Variants in PHF14 observed in about 807,000 individuals in gnomAD.
The protein encoded by PHF14 is PHD finger protein 14.
PHF14 carries 55 observed loss-of-function variants against 117.9 expected under a neutral mutation model. The ratio of observed to expected loss-of-function variants is 0.47; its 90% CI spans 0.38 to 0.58. The LOEUF (loss-of-function observed/expected upper bound fraction) is 0.58, where lower values mean the gene tolerates loss of function less well. PHF14 is among the 20% of genes least tolerant of loss of function. PHF14 has a pLI of 0.00. For synonymous variants in PHF14, 409 were observed against 368.6 expected, an observed-to-expected ratio of 1.11 and a Z score of -1.26; for missense variants, 978 against 1,122.2, an observed-to-expected ratio of 0.87 and a Z score of 1.84.
In PHF14 at chr7:11,122,456, TTG is replaced by T. The variant is rs200805558; in HGVS notation, c.2772+11005_2772+11006del. On this transcript the variant is annotated intron_variant, in intron 17 of 17. Transcript: ENST00000634607. Reference sequence around the variant, plus strand: ...ATATATATATACGTATATATATATATTGTGTGTGTGTGTGTGTCAAAGGGTAG... The same window carrying T: ...ATATATATATACGTATATATATATATTGTGTGTGTGTGTGTCAAAGGGTAG... 9.4e-3 allele frequency among the ~76,000 whole-genome samples: 1,321 copies of T among 139,864 alleles called. 26 individuals are homozygous for T. Among genetic ancestry groups the T allele is most frequent in the African/African-American group, 0.033 (1,228 of 37,772 alleles). The allele number at this position is 139,864 out of a possible 152,430, so 91.8% of individuals were successfully genotyped here. A position where few individuals can be genotyped will look rare whatever the true frequency, so the allele number is the denominator to read the frequency against.
intron 4 of PHF14, among the ~76,000 whole-genome samples, chr7:10,995,833 C>A (rs956575327): frequency 3.9e-5 from 6 of 152,250 alleles, no homozygotes; most frequent in Admixed American, 6.5e-5. Context: ...CAGTGCCCGC[C>A]AAGCCCATGC....
intron 16 of PHF14, among the ~76,000 whole-genome samples, chr7:11,101,494 C>T (rs780935626): frequency 1.1e-4 from 16 of 151,838 alleles, no homozygotes; most frequent in Non-Finnish European, 2.2e-4. Context: ...TGTGATCTTA[C>T]TATTTAACAA....
At chr7:11,166,877 G>A (rs1480265345) in intron 17 of PHF14, among the ~76,000 whole-genome samples, 1 of 152,170 alleles carries the variant, frequency 6.6e-6, no homozygotes, top group African/African-American at 2.4e-5. Flanking sequence ...ACAGCAGGCA[G>A]TGTTAGAAGG....
intron 17 of PHF14, among the ~76,000 whole-genome samples, chr7:11,154,600 T>C (rs1788789982): frequency 1.3e-5 from 2 of 152,158 alleles, no homozygotes; most frequent in African/African-American, 2.4e-5. Flanking sequence ...TGTTTTCATA[T>C]CAGTTGGACT....
At chr7:11,038,894 C>T in intron 11 of PHF14, 39 bp downstream of exon 11, 2 of 940,042 alleles carry the variant, frequency 2.1e-6, no homozygotes, top group Non-Finnish European at 3.3e-6. Context: ...TCAGTTCTTG[C>T]TCCCTATATG....
At chr7:11,157,331 A>G (rs1405886095) in intron 17 of PHF14, among the ~76,000 whole-genome samples, 1 of 151,814 alleles carries the variant, frequency 6.6e-6, no homozygotes, top group Non-Finnish European at 1.5e-5. Context: ...TGTATTCCAT[A>G]CTCTTCTAAA....
At chr7:11,071,205 G>T in intron 16 of PHF14, 1 of 511,230 alleles carries the variant, frequency 2.0e-6, no homozygotes, top group Non-Finnish European at 3.9e-6. Context: ...ACCTTAGGCT[G>T]TAACCTCTCT....
intron 16 of PHF14, among the ~76,000 whole-genome samples, chr7:11,097,260 C>T (rs1187175823): frequency 2.6e-5 from 4 of 151,934 alleles, no homozygotes; most frequent in Non-Finnish European, 5.9e-5. Context: ...ATTACAGGCG[C>T]GAGCCACCGT....
At chr7:11,071,292 C>T (rs754436719) in intron 16 of PHF14, 5 of 518,352 alleles carry the variant, frequency 9.6e-6, no homozygotes, top group South Asian at 7.0e-5. Flanking sequence ...TGTTTATTTA[C>T]ATTTGATCAC....
intron 16 of PHF14, among the ~76,000 whole-genome samples, chr7:11,067,273 A>G (rs1296586407): frequency 1.3e-5 from 2 of 152,220 alleles, no homozygotes; most frequent in Non-Finnish European, 2.9e-5. Context: ...CCTCACACCC[A>G]TTGGGCTAGT....
chr7:11,035,313 TG>T (rs1162856993), intron 7 of PHF14, among the ~76,000 whole-genome samples: 1 of 152,064 alleles, frequency 6.6e-6, no homozygotes, highest in Non-Finnish European at 1.5e-5. Context: ...TTGGTATCCT[TG>T]GGGGGTCCTG....
At chr7:11,109,572 TTC>T (rs1458067923) in intron 16 of PHF14, 2 of 151,870 alleles carry the variant, frequency 1.3e-5, no homozygotes, top group Non-Finnish European at 2.9e-5. Flanking sequence ...CTTTGAAGGT[TTC>T]TATATCCATA....
At chr7:11,004,447 ATAC>A (rs539332858) in intron 4 of PHF14, among the ~76,000 whole-genome samples, 89 of 149,506 alleles carry the variant, frequency 6.0e-4, no homozygotes, top group African/African-American at 2.1e-3. Context: ...TATAATCTGT[ATAC>A]CTCTATTGTC....
In PHF14 at chr7:11,129,548, C is replaced by CTTTTTTTTTTTTT. The variant is rs71023891; in HGVS notation, c.2772+18086_2772+18098dup. On this transcript the variant is annotated intron_variant, in intron 17 of 17. Transcript: ENST00000634607. ...AAATGCCTATTTTGTGTGTATGTTT[C>CTTTTTTTTTTTTT]TTTTTTTTTTTTTTTTTGCCTTTAC... Among the ~76,000 whole-genome samples, 2 of 133,460 alleles carry CTTTTTTTTTTTTT rather than the reference C, an allele frequency of 1.5e-5. 1 individual carries two copies. 87.6% of individuals were successfully genotyped at this position (133,460 alleles called of 152,430 possible).
intron 16 of PHF14, chr7:11,104,982 G>A (rs1787211930): frequency 1.1e-6 from 1 of 909,406 alleles, no homozygotes; most frequent in Non-Finnish European, 1.3e-6. Flanking sequence ...AAAAGAATTA[G>A]TAATTTCATC....
At chr7:11,095,041 G>A (rs568041835) in intron 16 of PHF14, among the ~76,000 whole-genome samples, 1 of 151,982 alleles carries the variant, frequency 6.6e-6, no homozygotes, top group Non-Finnish European at 1.5e-5. Context: ...TGAGCCTGAG[G>A]GAACACAAGT....
At chr7:10,998,887 C>G (rs1429711630) in intron 4 of PHF14, among the ~76,000 whole-genome samples, 10 of 152,148 alleles carry the variant, frequency 6.6e-5, no homozygotes, top group African/African-American at 2.2e-4. Context: ...ATTCTTAGGT[C>G]TACTTCTTAG....
At chr7:11,049,732 TATC>T (rs1216726166) in intron 13 of PHF14, among the ~76,000 whole-genome samples, 1 of 152,190 alleles carries the variant, frequency 6.6e-6, no homozygotes, top group East Asian at 1.9e-4. Flanking sequence ...AGAATATACT[TATC>T]ATTTCAATTC....
At chr7:11,083,530 G>A (rs1786244053) in intron 16 of PHF14, among the ~76,000 whole-genome samples, 1 of 141,416 alleles carries the variant, frequency 7.1e-6, no homozygotes, top group African/African-American at 2.7e-5. Flanking sequence ...GTGCAGTCTC[G>A]GCTCACTGGA....
Sources: gnomAD v4.1 joint callset for allele counts (sites outside exome capture counted in the v4.1 genomes callset) on GRCh38, gnomAD v4.1.1 for gene constraint, MANE v1.5 for transcripts, NCBI Gene and HGNC (gene_info 2026-07-23, HGNC 2026-07-21) for gene names.